WWOX: variants seen among roughly 807,000 people sequenced by gnomAD.
WWOX encodes the protein WW domain-containing oxidoreductase.
Under a neutral mutation model 46.2 loss-of-function variants are expected in WWOX, and 69 were observed. That is an observed-to-expected ratio of 1.49 (90% confidence interval 1.23 to 1.82). WWOX has a LOEUF of 1.82. Ranked by LOEUF, WWOX falls within the 40% of genes most tolerant of loss-of-function variation. WWOX has a pLI of 0.00. For synonymous variants in WWOX, 359 were observed against 202.6 expected, an observed-to-expected ratio of 1.77 and a Z score of -6.56; for missense variants, 919 against 542.6, an observed-to-expected ratio of 1.69 and a Z score of -6.89.
chr16:78,640,879 C>T (rs1484062586), intron 8 of WWOX, among the ~76,000 whole-genome samples: 1 of 147,126 alleles, frequency 6.8e-6, no homozygotes, highest in Non-Finnish European at 1.5e-5. Flanking sequence ...GCAGAGGTTG[C>T]AGTGAGCCGA....
At chr16:78,500,398 T>C (rs948553574) in intron 8 of WWOX, among the ~76,000 whole-genome samples, 6 of 48,266 alleles carry the variant, frequency 1.2e-4, no homozygotes, top group Non-Finnish European at 3.1e-4. Flanking sequence ...CCTTCCTCCT[T>C]TTCTTCTTTC....
intron 8 of WWOX, among the ~76,000 whole-genome samples, chr16:78,517,839 T>A (rs928103374): frequency 1.4e-5 from 2 of 145,570 alleles, no homozygotes; most frequent in Non-Finnish European, 3.0e-5. Context: ...AAAAAAAGAA[T>A]GATGTTACAC....
intron 8 of WWOX, among the ~76,000 whole-genome samples, chr16:79,180,071 A>C (rs1047752518): frequency 6.6e-6 from 1 of 151,816 alleles, no homozygotes; most frequent in Non-Finnish European, 1.5e-5. Context: ...GAGAGATTCT[A>C]TTGTGCACTT....
At chr16:78,126,618 T>A (rs1177000224) in intron 4 of WWOX, among the ~76,000 whole-genome samples, 9 of 152,170 alleles carry the variant, frequency 5.9e-5, no homozygotes, top group Admixed American at 5.9e-4. Context: ...GTCTATTACT[T>A]TAAGTACCTG....
At chr16:78,820,586 T>C (rs745526977) in intron 8 of WWOX, among the ~76,000 whole-genome samples, 11 of 152,148 alleles carry the variant, frequency 7.2e-5, no homozygotes, top group Non-Finnish European at 1.2e-4. Context: ...TGGCCCTTCC[T>C]TGAAATATAA....
chr16:78,105,458 CAAAA>C (rs61383923), intron 1 of WWOX, among the ~76,000 whole-genome samples: 1 of 126,654 alleles, frequency 7.9e-6, no homozygotes, highest in Non-Finnish European at 1.7e-5. Flanking sequence ...GACTCTGTCT[CAAAA>C]AAAAAAAAAA....
At chr16:78,119,805 A>G (rs1179633093) in intron 4 of WWOX, among the ~76,000 whole-genome samples, 1 of 151,802 alleles carries the variant, frequency 6.6e-6, no homozygotes. Flanking sequence ...TTTTCAGTCT[A>G]CTCTTCTGTG....
chr16:78,552,225 G>C (rs541793345), intron 8 of WWOX: 6 of 152,244 alleles, frequency 3.9e-5, no homozygotes, highest in African/African-American at 1.4e-4. Context: ...GATGATACTT[G>C]TAATGCCGTT....
chr16:78,797,701 C>G (rs756587546), intron 8 of WWOX, among the ~76,000 whole-genome samples: 44 of 152,278 alleles, frequency 2.9e-4, no homozygotes, highest in Non-Finnish European at 3.1e-4. Context: ...CAAAAATCCA[C>G]TGGAGGCCAG....
chr16:79,147,855 T>G (rs1040316068), intron 8 of WWOX, among the ~76,000 whole-genome samples: 2 of 152,242 alleles, frequency 1.3e-5, no homozygotes, highest in African/African-American at 4.8e-5. Context: ...TATTTTCATT[T>G]GTTTGTCATC....
intron 6 of WWOX, among the ~76,000 whole-genome samples, chr16:78,413,428 A>G (rs959688873): frequency 1.3e-5 from 2 of 152,150 alleles, no homozygotes; most frequent in Non-Finnish European, 1.5e-5. Flanking sequence ...CATAGGCGGT[A>G]GAGTTAGGAG....
intron 8 of WWOX, among the ~76,000 whole-genome samples, chr16:78,698,229 G>A (rs1442843935): frequency 6.6e-6 from 1 of 152,126 alleles, no homozygotes; most frequent in Non-Finnish European, 1.5e-5. Flanking sequence ...TTGGATTCGG[G>A]CACTGGTGAC....
chr16:78,660,905 C>G (rs2047194715), intron 8 of WWOX, among the ~76,000 whole-genome samples: 1 of 152,192 alleles, frequency 6.6e-6, no homozygotes, highest in Admixed American at 6.5e-5. Flanking sequence ...GGTACCAGCA[C>G]ATGTAGCTCA....
At chr16:78,189,770 T>C (rs772001270) in intron 5 of WWOX, among the ~76,000 whole-genome samples, 1 of 152,174 alleles carries the variant, frequency 6.6e-6, no homozygotes, top group Non-Finnish European at 1.5e-5. Context: ...TTCTCCTGGC[T>C]CAACCTCCTA....
At chr16:78,177,154 T>C (rs2035377287) in intron 5 of WWOX, among the ~76,000 whole-genome samples, 1 of 152,238 alleles carries the variant, frequency 6.6e-6, no homozygotes, top group African/African-American at 2.4e-5. Context: ...GCTTTTTCTT[T>C]TATAAAAGGG....
At chr16:78,449,001 T>A (rs1477261646) in intron 8 of WWOX, among the ~76,000 whole-genome samples, 1 of 152,216 alleles carries the variant, frequency 6.6e-6, no homozygotes, top group Non-Finnish European at 1.5e-5. Flanking sequence ...GTGTCCTGTT[T>A]CTTAAAGATA....
At chr16:78,719,488 G>A (rs2142348323) in intron 8 of WWOX, among the ~76,000 whole-genome samples, 1 of 152,338 alleles carries the variant, frequency 6.6e-6, no homozygotes, top group Middle Eastern at 3.4e-3. Context: ...TGATGGCCCT[G>A]GAAGGAGGAG....
chr16:78,889,355 C>G (rs2044537985), intron 8 of WWOX, among the ~76,000 whole-genome samples: 1 of 105,860 alleles, frequency 9.4e-6, no homozygotes, highest in Non-Finnish European at 1.8e-5. Flanking sequence ...CCCCCACCCC[C>G]CGCCCCGATT....
At chr16:78,838,015 A>C (rs754475943) in intron 8 of WWOX, among the ~76,000 whole-genome samples, 9 of 152,150 alleles carry the variant, frequency 5.9e-5, no homozygotes, top group African/African-American at 2.2e-4. Context: ...TCCCAAGGCT[A>C]TTCTCATTTT....
Sources: allele counts gnomAD v4.1 joint callset (sites outside exome capture counted in the v4.1 genomes callset), GRCh38; gene constraint gnomAD v4.1.1; transcripts MANE v1.5; gene names NCBI Gene and HGNC (gene_info 2026-07-23, HGNC 2026-07-21).